Variants in ACYP2 observed in about 807,000 individuals in gnomAD.
ACYP2 encodes acylphosphatase-2.
In ACYP2, 12 loss-of-function variants were observed where a neutral mutation model predicts 11.2. The ratio of observed to expected loss-of-function variants is 1.08; its 90% CI spans 0.69 to 1.74. The LOEUF is 1.74. Among genes scored for constraint, ACYP2 ranks in the 40% most tolerant of loss-of-function variants. The probability of loss-of-function intolerance (pLI) is 0.00; values close to 1 mark genes in which losing one functional copy is unlikely to be tolerated. For missense variants in ACYP2, 134 were observed against 101.9 expected, an observed-to-expected ratio of 1.31 and a Z score of -1.35; for synonymous variants, 43 against 32.2, an observed-to-expected ratio of 1.33 and a Z score of -1.13.
rs2104501849 is a variant in ACYP2, at chr2:53,972,311, A to G, written c.-37+990A>G. Among the ~76,000 whole-genome samples, 4 of 149,266 alleles carry G rather than the reference A, an allele frequency of 2.7e-5. 1 individual carries two copies. In the South Asian group the frequency reaches 8.4e-4, roughly 32 times the overall value. ...GGCAACAAGAGCGAAACTCCGTCTC[A>G]AAAAATAAAAGGGCCAGGCGCGTGG... On this transcript the variant is annotated intron_variant, in intron 1 of 6. Coordinates refer to ENST00000607452, the MANE Select transcript of ACYP2 (RefSeq NM_001320586.2).
At chr2:54,041,781 C>T (rs757000449) in intron 2 of ACYP2, among the ~76,000 whole-genome samples, 2 of 148,474 alleles carry the variant, frequency 1.3e-5, no homozygotes, top group Admixed American at 6.7e-5. Context: ...AAATTGTTTC[C>T]CCACTTAGAA....
At chr2:53,985,582 C>G (rs1472200860) in intron 2 of ACYP2, among the ~76,000 whole-genome samples, 1 of 152,192 alleles carries the variant, frequency 6.6e-6, no homozygotes, top group African/African-American at 2.4e-5. Context: ...ATCCAAATAC[C>G]TATCAACATA....
At chr2:54,155,249 G>A (rs994191312) in intron 6 of ACYP2, among the ~76,000 whole-genome samples, 1 of 151,396 alleles carries the variant, frequency 6.6e-6, no homozygotes, top group Non-Finnish European at 1.5e-5. Context: ...AACCACTGCT[G>A]GTTTCATTGA....
At chr2:54,221,177 G>T (rs1466010748) in intron 6 of ACYP2, among the ~76,000 whole-genome samples, 1 of 152,164 alleles carries the variant, frequency 6.6e-6, no homozygotes, top group Non-Finnish European at 1.5e-5. Context: ...CCAACCTATA[G>T]CCTGAACCAA....
chr2:54,256,956 C>T (rs1480603923), intron 6 of ACYP2, among the ~76,000 whole-genome samples: 2 of 152,176 alleles, frequency 1.3e-5, no homozygotes, highest in South Asian at 2.1e-4. Context: ...CATGAGCAAC[C>T]GTACCTGGCC....
At chr2:54,209,481 T>C (rs1685233896) in intron 6 of ACYP2, among the ~76,000 whole-genome samples, 1 of 152,224 alleles carries the variant, frequency 6.6e-6, no homozygotes. Flanking sequence ...TTATAAGGTA[T>C]GTCTTAAAAT....
At chr2:54,269,790 T>C (rs553749453) in intron 6 of ACYP2, among the ~76,000 whole-genome samples, 27 of 152,352 alleles carry the variant, frequency 1.8e-4, no homozygotes, top group African/African-American at 6.3e-4. Flanking sequence ...ATTTTATTTA[T>C]AGAAAAGCCA....
At chr2:54,113,543 C>A (rs72800746) in intron 4 of ACYP2, among the ~76,000 whole-genome samples, 14,654 of 151,874 alleles carry the variant, frequency 0.096, 864 homozygotes, top group Non-Finnish European at 0.14. Flanking sequence ...ACCGTGCAGG[C>A]CAAGATACTT....
At chr2:54,229,022 G>C (rs184153791) in intron 6 of ACYP2, among the ~76,000 whole-genome samples, 6 of 152,286 alleles carry the variant, frequency 3.9e-5, no homozygotes, top group African/African-American at 1.4e-4. Flanking sequence ...CCCAGAGTGA[G>C]ATGCATAGTT....
Position 54,229,218 on chromosome 2 carries a change from G to C in ACYP2, c.405-75470G>C, listed in dbSNP as rs757549754. Among the ~76,000 whole-genome samples the C allele has an allele frequency of 1.0e-3, 157 of 152,196 alleles. 1 individual carries two copies. Among genetic ancestry groups the C allele is most frequent in the Non-Finnish European group, 8.8e-5 (6 of 68,034 alleles). ...CCGCTTCTGTGGGACATGGCATCAT[G>C]TAGCAGTGACATTAGATACCCAAAG... is the stretch of plus-strand genomic sequence containing the variant. On this transcript the variant is annotated intron_variant, in intron 6 of 6. Transcript: ENST00000607452.
chr2:54,216,554 T>C (rs1018890853), intron 6 of ACYP2, among the ~76,000 whole-genome samples: 1 of 152,046 alleles, frequency 6.6e-6, no homozygotes, highest in African/African-American at 2.4e-5. Context: ...TTTTTTTTTT[T>C]TGAGACAGAG....
chr2:54,012,270 G>A (rs1011322884), intron 2 of ACYP2, among the ~76,000 whole-genome samples: 1 of 151,708 alleles, frequency 6.6e-6, no homozygotes, highest in Non-Finnish European at 1.5e-5. Flanking sequence ...GGCTGGACAT[G>A]GTGGCTCACA....
chr2:54,204,315 A>AT lies in ACYP2; in HGVS notation c.404+65577dup, dbSNP rs368804501. Among the ~76,000 whole-genome samples the AT allele has an allele frequency of 1.6e-3, 208 of 127,008 alleles. 1 individual carries two copies. The highest frequency in any genetic ancestry group is 8.4e-3 in the Middle Eastern group (2 of 238). 83.3% of individuals were successfully genotyped at this position (127,008 alleles called of 152,430 possible). A position where few individuals can be genotyped will look rare whatever the true frequency, so the allele number is the denominator to read the frequency against. On this transcript the variant is annotated intron_variant, in intron 6 of 6. Transcript: ENST00000607452. ...GCCATGGGATTTTTTTTTTTTTATG[A>AT]TTTTTTTTTTCAGCTCATCAGCTGT...
chr2:54,160,053 A>G (rs1682642153), intron 6 of ACYP2, among the ~76,000 whole-genome samples: 1 of 152,148 alleles, frequency 6.6e-6, no homozygotes, highest in South Asian at 2.1e-4. Flanking sequence ...CCTCCCCCTC[A>G]AGAGAATGCT....
At chr2:54,026,098 C>T (rs1378697221) in intron 2 of ACYP2, among the ~76,000 whole-genome samples, 1 of 152,118 alleles carries the variant, frequency 6.6e-6, no homozygotes, top group African/African-American at 2.4e-5. Context: ...GTCTGGGTGG[C>T]AGAGCGAGAC....
At chr2:54,158,753 G>A (rs1287717226) in intron 6 of ACYP2, among the ~76,000 whole-genome samples, 1 of 152,116 alleles carries the variant, frequency 6.6e-6, no homozygotes, top group Non-Finnish European at 1.5e-5. Context: ...TCGTGGCTGA[G>A]GAAGTTTTGC....
chr2:54,140,609 G>A (rs1041066319), intron 6 of ACYP2, among the ~76,000 whole-genome samples: 10 of 151,772 alleles, frequency 6.6e-5, no homozygotes, highest in Non-Finnish European at 1.3e-4. Context: ...ATGGGATCAC[G>A]GTGTATTCCC....
intron 6 of ACYP2, among the ~76,000 whole-genome samples, chr2:54,150,902 C>G (rs555777816): frequency 4.0e-5 from 6 of 151,682 alleles, no homozygotes; most frequent in African/African-American, 1.5e-4. Flanking sequence ...CTACCACGCC[C>G]GGCTAATTTT....
At chr2:54,057,188 G>A in intron 3 of ACYP2, 1 of 396,544 alleles carries the variant, frequency 2.5e-6, no homozygotes, top group Admixed American at 4.4e-5. Flanking sequence ...TGCCCTTGGG[G>A]TTTCTTGGTG....
Sources: allele counts gnomAD v4.1 joint callset (sites outside exome capture counted in the v4.1 genomes callset), GRCh38; gene constraint gnomAD v4.1.1; transcripts MANE v1.5; gene names NCBI Gene and HGNC (gene_info 2026-07-23, HGNC 2026-07-21).